Variants in CHN1 observed in about 807,000 individuals in gnomAD.
CHN1 encodes chimerin 1.
A neutral mutation model predicts 59.5 loss-of-function variants in CHN1; 37 were observed. The observed-to-expected ratio is 0.62, with a 90% confidence interval of 0.48 to 0.82. CHN1 has a LOEUF of 0.82. CHN1 is among the 40% of genes least tolerant of loss of function. The probability of loss-of-function intolerance (pLI) is 0.00; values close to 1 mark genes in which losing one functional copy is unlikely to be tolerated. For synonymous variants in CHN1, 206 were observed against 200.4 expected (o/e 1.03, Z -0.24); for missense variants, 469 against 571.0 (o/e 0.82, Z 1.82).
At chr2:174,802,390 T>C (rs1388264425) in intron 11 of CHN1, among the ~76,000 whole-genome samples, 5 of 152,228 alleles carry the variant, frequency 3.3e-5, no homozygotes, top group African/African-American at 9.6e-5. Context: ...CTTTGTTTTA[T>C]ATAAAAAAAT....
chr2:174,890,674 C>G (rs185009025), intron 5 of CHN1, among the ~76,000 whole-genome samples: 2 of 152,052 alleles, frequency 1.3e-5, no homozygotes, highest in African/African-American at 4.8e-5. Flanking sequence ...AGTAGAAAAA[C>G]CAGATAGACA....
chr2:174,894,884 T>C (rs1377554043), intron 5 of CHN1, among the ~76,000 whole-genome samples: 1 of 152,106 alleles, frequency 6.6e-6, no homozygotes, highest in African/African-American at 2.4e-5. Flanking sequence ...TTGCGTGCCA[T>C]TCTGAATAGC....
intron 7 of CHN1, among the ~76,000 whole-genome samples, chr2:174,841,815 A>G (rs1283255304): frequency 2.6e-5 from 4 of 152,206 alleles, no homozygotes; most frequent in Non-Finnish European, 5.9e-5. Flanking sequence ...ACATTATTGC[A>G]GAAGCATAAT....
At chr2:174,945,927 G>A (rs111815006) in intron 2 of CHN1, among the ~76,000 whole-genome samples, 15,923 of 150,242 alleles carry the variant, frequency 0.11, 2,852 homozygotes, top group African/African-American at 0.37. Context: ...GTGTGTGTGT[G>A]TGTGTATATA....
chr2:174,860,065 C>T (rs966818411), intron 6 of CHN1, among the ~76,000 whole-genome samples: 1 of 152,118 alleles, frequency 6.6e-6, no homozygotes, highest in African/African-American at 2.4e-5. Context: ...GGGCTTCAAA[C>T]AGAGTTACTG....
intron 1 of CHN1, among the ~76,000 whole-genome samples, chr2:174,989,532 A>C (rs1691467930): frequency 6.6e-6 from 1 of 151,996 alleles, no homozygotes. Flanking sequence ...AGCTTTGAAG[A>C]ATTACACTTT....
Position 174,891,140 on chromosome 2 carries a change from CAAAAAAAAAAAAAAA to C in CHN1, c.261-13027_261-13013del, listed in dbSNP as rs58016502. On this transcript the variant is annotated intron_variant, in intron 5 of 12. Transcript: ENST00000409900. ...TGGGCGACAGAGCAAGACTCCATCT[CAAAAAAAAAAAAAAA>C]AAAAAAAAAAGAAAAAAGAAAAACT... is the stretch of plus-strand genomic sequence containing the variant. Among the ~76,000 whole-genome samples the C allele has an allele frequency of 1.0e-3, 25 of 24,420 alleles. 1 individual carries two copies. Among genetic ancestry groups the C allele is most frequent in the South Asian group, 3.5e-3 (1 of 288 alleles). 16.0% of individuals were successfully genotyped at this position (24,420 alleles called of 152,430 possible).
chr2:174,957,089 T>C (rs1023948288), intron 1 of CHN1, among the ~76,000 whole-genome samples: 3 of 152,206 alleles, frequency 2.0e-5, no homozygotes, highest in African/African-American at 7.2e-5. Flanking sequence ...GCAACAACAC[T>C]GGAACTCATG....
chr2:174,920,950 C>T (rs1412734328), intron 3 of CHN1: 4 of 429,640 alleles, frequency 9.3e-6, no homozygotes, highest in South Asian at 6.7e-5. Flanking sequence ...GATCATCAAG[C>T]ATTGGATTCT....
chr2:174,800,422 T>G (rs1037188875), intron 12 of CHN1, 135 bp from the exon 13 acceptor site: 31 of 582,194 alleles, frequency 5.3e-5, no homozygotes, highest in Middle Eastern at 8.6e-4. Context: ...GTTATTTCTC[T>G]GTAATTTCAA....
chr2:174,951,900 T>C (rs1690034903), intron 2 of CHN1, among the ~76,000 whole-genome samples: 1 of 152,220 alleles, frequency 6.6e-6, no homozygotes, highest in Non-Finnish European at 1.5e-5. Context: ...TTAGCCACTC[T>C]GAACAAGTGG....
At chr2:174,809,695 T>G (rs1685012941) in intron 10 of CHN1, among the ~76,000 whole-genome samples, 1 of 152,250 alleles carries the variant, frequency 6.6e-6, no homozygotes, top group Admixed American at 6.5e-5. Flanking sequence ...AATCCTGGAA[T>G]CTGATATCCA....
intron 1 of CHN1, among the ~76,000 whole-genome samples, chr2:174,977,049 C>T (rs1446451335): frequency 9.2e-5 from 14 of 152,202 alleles, no homozygotes; most frequent in Admixed American, 8.5e-4. Flanking sequence ...ACATTGTTCA[C>T]TGTCAATTCT....
chr2:174,989,526 T>C (rs939386696), intron 1 of CHN1, among the ~76,000 whole-genome samples: 2 of 152,100 alleles, frequency 1.3e-5, no homozygotes, highest in Non-Finnish European at 2.9e-5. Context: ...TCCTGGAGCT[T>C]TGAAGAATTA....
intron 3 of CHN1, among the ~76,000 whole-genome samples, chr2:174,929,569 C>A (rs1689271554): frequency 6.7e-6 from 1 of 148,496 alleles, no homozygotes; most frequent in Non-Finnish European, 1.5e-5. Context: ...CAGAGTGAGA[C>A]TCTATTTCAA....
intron 5 of CHN1, among the ~76,000 whole-genome samples, chr2:174,885,010 G>A (rs1417529839): frequency 3.3e-5 from 5 of 152,008 alleles, no homozygotes; most frequent in African/African-American, 4.8e-5. Context: ...GAAATTAGCC[G>A]GGCGCGGTGG....
Position 174,944,993 on chromosome 2 carries a change from A to C in CHN1, c.59-50T>G, listed in dbSNP as rs1153728. Reference sequence around the variant, plus strand: ...TGTCAATGTCCCTTACATAGAACTTATCAATATATTAGAAATAAAAACCTG... The same window carrying C: ...TGTCAATGTCCCTTACATAGAACTTCTCAATATATTAGAAATAAAAACCTG... On this transcript the variant is annotated intron_variant, in intron 2 of 12. Coordinates refer to ENST00000409900, the MANE Select transcript of CHN1 (RefSeq NM_001822.7). 5,075 of 1,308,946 alleles carry C rather than the reference A, an allele frequency of 3.9e-3. 137 individuals carry two copies. The African/African-American group carries it at 0.063, about 16-fold the overall frequency. The allele number at this position is 1,308,946 out of a possible 1,614,324, so 81.1% of individuals were successfully genotyped here.
At chr2:174,827,452 T>C (rs1473187928) in intron 7 of CHN1, among the ~76,000 whole-genome samples, 1 of 152,078 alleles carries the variant, frequency 6.6e-6, no homozygotes, top group African/African-American at 2.4e-5. Context: ...AGAGAAACAA[T>C]GTGGTGTTTA....
chr2:174,906,633 C>T (rs1441657154), intron 5 of CHN1, among the ~76,000 whole-genome samples: 1 of 150,872 alleles, frequency 6.6e-6, no homozygotes. Flanking sequence ...GATATGAGAA[C>T]ATGCAAAAGC....
Sources: gnomAD v4.1 joint callset for allele counts (sites outside exome capture counted in the v4.1 genomes callset) on GRCh38, gnomAD v4.1.1 for gene constraint, MANE v1.5 for transcripts, NCBI Gene and HGNC (gene_info 2026-07-23, HGNC 2026-07-21) for gene names.